Variants in FGFR1OP2 observed in about 807,000 individuals in gnomAD.
The protein encoded by FGFR1OP2 is FGFR1 oncogene partner 2, also known as fibroblast growth factor receptor 1 oncogene partner 2.
Under a neutral mutation model 35.2 loss-of-function variants are expected in FGFR1OP2, and 17 were observed. The ratio of observed to expected loss-of-function variants is 0.48; its 90% CI spans 0.33 to 0.73. The LOEUF is 0.73. FGFR1OP2 is among the 30% of genes least tolerant of loss of function. The pLI, the probability that FGFR1OP2 is intolerant of heterozygous loss-of-function variation, is 0.02. For missense variants in FGFR1OP2, 251 were observed against 307.3 expected (o/e 0.82, Z 1.37); for synonymous variants, 105 against 104.6 (o/e 1.00, Z -0.03).
In FGFR1OP2 at chr12:26,938,494, G is replaced by C. The variant is rs1938613492; in HGVS notation, c.-231G>C. 6.7e-6 allele frequency: 1 copy of C among 149,570 alleles called. No individual in the cohort carries two copies. Among genetic ancestry groups the C allele is most frequent in the Admixed American group, 6.6e-5 (1 of 15,070 alleles). The allele number at this position is 149,570 out of a possible 1,614,324, so 9.3% of individuals were successfully genotyped here. A position where few individuals can be genotyped will look rare whatever the true frequency, so the allele number is the denominator to read the frequency against. On this transcript the variant is annotated 5_prime_UTR_variant, in exon 1 of 7. Transcript: ENST00000229395. ...GAGTTCTCCGGGAGCGCCGGTCGGA[G>C]GCGGTCGGCGGAGGTGTCTACCCCG...
chr12:26,947,301 G>A (rs1376430921), intron 1 of FGFR1OP2, among the ~76,000 whole-genome samples: 1 of 152,090 alleles, frequency 6.6e-6, no homozygotes, highest in African/African-American at 2.4e-5. Context: ...TCTCATTGTG[G>A]TTTTGAATTG....
intron 1 of FGFR1OP2, among the ~76,000 whole-genome samples, chr12:26,941,315 C>G (rs532383640): frequency 6.6e-6 from 1 of 151,944 alleles, no homozygotes; most frequent in Admixed American, 6.6e-5. Flanking sequence ...ACTCCACTTC[C>G]TGGCCAAAAA....
At chr12:26,954,069 A>T in intron 1 of FGFR1OP2, 76 bp from the exon 2 acceptor site, 4 of 1,107,954 alleles carry the variant, frequency 3.6e-6, no homozygotes, top group Non-Finnish European at 5.0e-6. Context: ...TAAGAAGCAT[A>T]TCTGTGTTGA....
intron 5 of FGFR1OP2, 103 bp from the exon 6 acceptor site, chr12:26,963,239 A>C: frequency 1.6e-6 from 1 of 609,120 alleles, no homozygotes; most frequent in Non-Finnish European, 2.9e-6. Flanking sequence ...GTGACAATGT[A>C]AGAATATTCA....
intron 1 of FGFR1OP2, among the ~76,000 whole-genome samples, chr12:26,949,583 G>GT (rs373712891): frequency 7.9e-5 from 12 of 150,970 alleles, no homozygotes; most frequent in African/African-American, 1.9e-4. Context: ...TCTGTTTGAG[G>GT]TTTTTTTTGT....
At chr12:26,942,103 G>A (rs1357656794) in intron 1 of FGFR1OP2, among the ~76,000 whole-genome samples, 1 of 152,192 alleles carries the variant, frequency 6.6e-6, no homozygotes, top group Non-Finnish European at 1.5e-5. Context: ...TGCGATCTCG[G>A]CTCACTGCAT....
intron 1 of FGFR1OP2, among the ~76,000 whole-genome samples, chr12:26,943,461 C>T (rs1938769173): frequency 1.4e-5 from 1 of 73,170 alleles, no homozygotes; most frequent in Non-Finnish European, 2.7e-5. Context: ...ATTAGCTTGT[C>T]AATTTCTCTA....
intron 4 of FGFR1OP2, 122 bp downstream of exon 4, chr12:26,957,865 T>C (rs1939048239): frequency 4.2e-6 from 3 of 710,600 alleles, no homozygotes; most frequent in East Asian, 6.4e-5. Context: ...TGATGTTGAA[T>C]GTTTCATCTT....
intron 3 of FGFR1OP2, among the ~76,000 whole-genome samples, chr12:26,956,900 C>T (rs201048346): frequency 3.3e-5 from 5 of 152,134 alleles, no homozygotes; most frequent in African/African-American, 9.7e-5. Context: ...CTGAAATGTC[C>T]AAACTGATCT....
chr12:26,957,708 G>C lies in FGFR1OP2; in HGVS notation c.361G>C (p.Gly121Arg). The C allele has an allele frequency of 1.9e-6, 3 of 1,613,210 alleles. No individual in the cohort carries two copies. Among genetic ancestry groups the C allele is most frequent in the Non-Finnish European group, 2.5e-6 (3 of 1,179,636 alleles). The part of the protein sequence containing the change: ...LLMASKKDDP[G>R]IIMKLKEQHS... Reference sequence around the variant, plus strand: ...AATGGCTAGCAAAAAAGATGATCCGGGTATAATAATGAAGTTAAAAGAGCA... The same window carrying C: ...AATGGCTAGCAAAAAAGATGATCCGCGTATAATAATGAAGTTAAAAGAGCA... Residue 121 changes from glycine (G) to arginine (R), a missense_variant, in exon 4 of 7, where the codon GGT becomes CGT. Coordinates refer to ENST00000229395, the MANE Select transcript of FGFR1OP2 (RefSeq NM_015633.3).
intron 1 of FGFR1OP2, among the ~76,000 whole-genome samples, chr12:26,944,546 T>G (rs1938791524): frequency 6.6e-6 from 1 of 152,234 alleles, no homozygotes; most frequent in Non-Finnish European, 1.5e-5. Flanking sequence ...GGAGACAGCC[T>G]TGAATCTGGG....
At chr12:26,943,268 C>T (rs964250903) in intron 1 of FGFR1OP2, among the ~76,000 whole-genome samples, 1 of 147,294 alleles carries the variant, frequency 6.8e-6, no homozygotes, top group African/African-American at 2.5e-5. Context: ...TTGTATGGCC[C>T]TGTCTCTAAA....
At position 26,963,471 on chromosome 12, in the gene FGFR1OP2, CA is replaced by C; in HGVS notation, c.624+19del. 3.3e-6 allele frequency: 5 copies of C among 1,494,950 alleles called. No homozygotes were observed. The highest frequency in any genetic ancestry group is 4.6e-6 in the Non-Finnish European group (5 of 1,081,582). The allele number at this position is 1,494,950 out of a possible 1,614,324, so 92.6% of individuals were successfully genotyped here. A position where few individuals can be genotyped will look rare whatever the true frequency, so the allele number is the denominator to read the frequency against. Reference sequence around the variant, plus strand: ...TCAACTTGAAGTAAGTTTTACATTGCAAATGTAGATGAAAACTGTCCATATA... The same window carrying C: ...TCAACTTGAAGTAAGTTTTACATTGCAATGTAGATGAAAACTGTCCATATA... On this transcript the variant is annotated intron_variant, in intron 6 of 6. Coordinates refer to ENST00000229395, the MANE Select transcript of FGFR1OP2 (RefSeq NM_015633.3).
At chr12:26,945,738 G>A (rs1187761059) in intron 1 of FGFR1OP2, among the ~76,000 whole-genome samples, 2 of 152,044 alleles carry the variant, frequency 1.3e-5, no homozygotes, top group African/African-American at 2.4e-5. Flanking sequence ...GCATGAGCCT[G>A]TAATCCCAGC....
intron 2 of FGFR1OP2, among the ~76,000 whole-genome samples, chr12:26,956,087 A>G (rs1489256615): frequency 1.3e-5 from 2 of 152,088 alleles, no homozygotes; most frequent in African/African-American, 4.8e-5. Context: ...CAGCGTGATA[A>G]TTCTTCTTCC....
intron 2 of FGFR1OP2, among the ~76,000 whole-genome samples, chr12:26,955,620 G>A (rs1027764974): frequency 6.6e-6 from 1 of 152,086 alleles, no homozygotes; most frequent in African/African-American, 2.4e-5. Context: ...ATGTTTTTAA[G>A]GTTCATCTAT....
chr12:26,939,817 A>G (rs1938694078), intron 1 of FGFR1OP2, among the ~76,000 whole-genome samples: 1 of 152,216 alleles, frequency 6.6e-6, no homozygotes, highest in Non-Finnish European at 1.5e-5. Flanking sequence ...TTATTTATAT[A>G]TACATATGTA....
intron 1 of FGFR1OP2, among the ~76,000 whole-genome samples, chr12:26,950,972 C>G (rs1938919357): frequency 6.6e-6 from 1 of 152,122 alleles, no homozygotes; most frequent in Non-Finnish European, 1.5e-5. Flanking sequence ...TTCATGATTA[C>G]TCAAATGATA....
rs796662949 is a variant in FGFR1OP2, at chr12:26,938,596, G to A, written c.-129G>A. The A allele has an allele frequency of 1.6e-4, 24 of 152,580 alleles. 1 individual carries two copies. The highest frequency in any genetic ancestry group is 5.8e-4 in the African/African-American group (24 of 41,602). The allele number at this position is 152,580 out of a possible 1,614,324, so 9.5% of individuals were successfully genotyped here. A position where few individuals can be genotyped will look rare whatever the true frequency, so the allele number is the denominator to read the frequency against. ...CCGTCCGATTCTGCGTCTGCTTGCT[G>A]AGGAGGCGGATTAGGGGGGCGCGGA... On this transcript the variant is annotated 5_prime_UTR_variant, in exon 1 of 7. It removes the in-frame stop codon of an upstream open reading frame in the 5' UTR. Coordinates refer to ENST00000229395, the MANE Select transcript of FGFR1OP2 (RefSeq NM_015633.3).
Sources: allele counts gnomAD v4.1 joint callset (sites outside exome capture counted in the v4.1 genomes callset), GRCh38; gene constraint gnomAD v4.1.1; transcripts MANE v1.5; gene names NCBI Gene and HGNC (gene_info 2026-07-23, HGNC 2026-07-21).